Variants in CDH4 observed in about 807,000 individuals in gnomAD.
The protein encoded by CDH4 is cadherin-4.
CDH4 carries 33 observed loss-of-function variants against 86.0 expected under a neutral mutation model. The observed-to-expected ratio is 0.38, with a 90% confidence interval of 0.29 to 0.51. The LOEUF is 0.51. CDH4 is among the 20% of genes least tolerant of loss of function. The pLI, the probability that CDH4 is intolerant of heterozygous loss-of-function variation, is 0.86. For synonymous variants in CDH4, 555 were observed against 549.4 expected, an observed-to-expected ratio of 1.01 and a Z score of -0.14; for missense variants, 1,114 against 1,307.4, an observed-to-expected ratio of 0.85 and a Z score of 2.28.
chr20:61,396,287 G>A (rs1600937908), intron 2 of CDH4, among the ~76,000 whole-genome samples: 1 of 152,092 alleles, frequency 6.6e-6, no homozygotes, highest in South Asian at 2.1e-4. Context: ...GAATTTCCAG[G>A]GCCCTTGAAG....
intron 2 of CDH4, among the ~76,000 whole-genome samples, chr20:61,468,994 G>T (rs936746629): frequency 2.0e-5 from 3 of 152,140 alleles, no homozygotes; most frequent in African/African-American, 7.2e-5. Context: ...AATTTTGACT[G>T]TTGGGAATAG....
intron 9 of CDH4, among the ~76,000 whole-genome samples, chr20:61,914,018 G>T (rs1004457868): frequency 6.6e-6 from 1 of 152,172 alleles, no homozygotes; most frequent in African/African-American, 2.4e-5. Flanking sequence ...TCTACAGAAC[G>T]CTGGTTCTCA....
At chr20:61,403,561 G>A (rs111952177) in intron 2 of CDH4, among the ~76,000 whole-genome samples, 5,137 of 152,172 alleles carry the variant, frequency 0.034, 111 homozygotes, top group Non-Finnish European at 0.052. Flanking sequence ...TCAAATCATC[G>A]TGGAAAACAT....
At chr20:61,753,879 A>G (rs527529490) in intron 3 of CDH4, among the ~76,000 whole-genome samples, 1 of 152,206 alleles carries the variant, frequency 6.6e-6, no homozygotes, top group South Asian at 2.1e-4. Context: ...AAATTCAGGT[A>G]TTGAAATCCT....
At chr20:61,331,634 C>CGACCACCTGACAGAA (rs1568801110) in intron 2 of CDH4, among the ~76,000 whole-genome samples, 4 of 67,818 alleles carry the variant, frequency 5.9e-5, no homozygotes, top group African/African-American at 1.1e-4. Flanking sequence ...CCTCCTGCCC[C>CGACCACCTGACAGAA]AGACCCACCT....
intron 2 of CDH4, among the ~76,000 whole-genome samples, chr20:61,459,672 C>T (rs574072200): frequency 5.2e-4 from 79 of 151,478 alleles, no homozygotes; most frequent in African/African-American, 1.7e-3. Context: ...GGTCCAGGGA[C>T]CCTGTCTTCA....
chr20:61,788,084 G>A (rs1025078080), intron 4 of CDH4, among the ~76,000 whole-genome samples: 1 of 152,194 alleles, frequency 6.6e-6, no homozygotes, highest in African/African-American at 2.4e-5. Flanking sequence ...AGTAAAGGCA[G>A]TAGCAGGAGG....
At chr20:61,845,612 G>A (rs1213766873) in intron 5 of CDH4, among the ~76,000 whole-genome samples, 1 of 152,244 alleles carries the variant, frequency 6.6e-6, no homozygotes. Context: ...ACCTGCCCCT[G>A]GCCAGATGTG....
intron 2 of CDH4, among the ~76,000 whole-genome samples, chr20:61,532,355 A>G (rs1486972275): frequency 6.6e-6 from 1 of 151,862 alleles, no homozygotes; most frequent in Non-Finnish European, 1.5e-5. Context: ...CATGTGTGGG[A>G]CCCTGGCACC....
intron 9 of CDH4, among the ~76,000 whole-genome samples, chr20:61,912,632 T>G (rs962185287): frequency 3.3e-5 from 5 of 152,236 alleles, no homozygotes; most frequent in African/African-American, 1.2e-4. Flanking sequence ...ATTCCAGCCC[T>G]AACTCTGTAT....
chr20:61,854,202 A>G (rs1982874637), intron 6 of CDH4, among the ~76,000 whole-genome samples: 1 of 152,164 alleles, frequency 6.6e-6, no homozygotes. Flanking sequence ...GCCCAGAGCC[A>G]GGGCCAGCTC....
chr20:61,262,961 A>G (rs1279478644), intron 2 of CDH4, among the ~76,000 whole-genome samples: 1 of 103,490 alleles, frequency 9.7e-6, no homozygotes, highest in Non-Finnish European at 2.3e-5. Flanking sequence ...ACTAATCATG[A>G]ACTGAGAGAG....
At chr20:61,387,365 AAC>A (rs757358880) in intron 2 of CDH4, among the ~76,000 whole-genome samples, 2 of 150,646 alleles carry the variant, frequency 1.3e-5, no homozygotes, top group Admixed American at 6.6e-5. Context: ...CACAAACACA[AAC>A]ACACAGCCAC....
At chr20:61,846,057 C>T (rs932053542) in intron 5 of CDH4, among the ~76,000 whole-genome samples, 4 of 152,224 alleles carry the variant, frequency 2.6e-5, no homozygotes, top group East Asian at 1.9e-4. Context: ...GGGAGAAGAT[C>T]GGTTTTGCTG....
At chr20:61,758,415 T>TACGG (rs2088591676) in intron 3 of CDH4, among the ~76,000 whole-genome samples, 1 of 152,186 alleles carries the variant, frequency 6.6e-6, no homozygotes, top group Non-Finnish European at 1.5e-5. Flanking sequence ...GTGGATAGGC[T>TACGG]GTACGTTCTG....
At position 61,678,760 on chromosome 20, in the gene CDH4, G is replaced by C. The variant is rs577001787; in HGVS notation, c.170-64803G>C. ...GCTGCCCTGGCGTCCAGTGGCTTGA[G>C]GAAGCCTCACCCCATCCCTGCCTCC... is the stretch of plus-strand genomic sequence containing the variant. On this transcript the variant is annotated intron_variant, in intron 2 of 15. Transcript: ENST00000614565. Among the ~76,000 whole-genome samples the C allele has an allele frequency of 2.9e-3, 443 of 152,308 alleles. 3 individuals are homozygous for C. The highest frequency in any genetic ancestry group is 0.01 in the African/African-American group (419 of 41,564).
intron 2 of CDH4, among the ~76,000 whole-genome samples, chr20:61,630,509 G>A (rs1205753061): frequency 6.6e-6 from 1 of 152,206 alleles, no homozygotes; most frequent in East Asian, 1.9e-4. Flanking sequence ...CTGCTGGGAA[G>A]GGCACGGCCA....
chr20:61,590,900 C>T (rs1369325361), intron 2 of CDH4, among the ~76,000 whole-genome samples: 2 of 151,544 alleles, frequency 1.3e-5, no homozygotes, highest in African/African-American at 2.4e-5. Flanking sequence ...CCCGGGTCTC[C>T]AGGCTCCAGC....
intron 3 of CDH4, among the ~76,000 whole-genome samples, chr20:61,764,607 G>C (rs1035317401): frequency 1.3e-5 from 2 of 152,126 alleles, no homozygotes; most frequent in African/African-American, 4.8e-5. Flanking sequence ...AGCCCAGGCT[G>C]TCATTTTATC....
Sources: allele counts gnomAD v4.1 joint callset (sites outside exome capture counted in the v4.1 genomes callset), GRCh38; gene constraint gnomAD v4.1.1; transcripts MANE v1.5; gene names NCBI Gene and HGNC (gene_info 2026-07-23, HGNC 2026-07-21).